The following PFKFB3 variants were observed in gnomAD, a reference collection of about 807,000 sequenced individuals.
PFKFB3 encodes 6-phosphofructo-2-kinase/fructose-2,6-bisphosphatase 3.
In PFKFB3, 33 loss-of-function variants were observed where a neutral mutation model predicts 68.0. The observed-to-expected ratio is 0.49, with a 90% CI of 0.37 to 0.65. The LOEUF is 0.65. Ranked by LOEUF, PFKFB3 falls within the 30% of genes least tolerant of loss-of-function variation. The probability of loss-of-function intolerance (pLI) is 0.00; values close to 1 mark genes in which losing one functional copy is unlikely to be tolerated. For synonymous variants in PFKFB3, 315 were observed against 288.2 expected (o/e 1.09, Z -0.94); for missense variants, 586 against 712.2 (o/e 0.82, Z 2.02).
chr10:6,174,849 A>C (rs1588421243), intron 1 of PFKFB3, among the ~76,000 whole-genome samples: 4 of 143,198 alleles, frequency 2.8e-5, no homozygotes, highest in African/African-American at 5.2e-5. Context: ...ACGGAGTCTC[A>C]CTCTCATGTA....
intron 1 of PFKFB3, among the ~76,000 whole-genome samples, chr10:6,180,524 G>A (rs1363581859): frequency 1.3e-5 from 2 of 152,096 alleles, no homozygotes; most frequent in African/African-American, 4.8e-5. Flanking sequence ...GAGTACAGTG[G>A]CTCAGCCGTG....
At chr10:6,315,741 C>A in the PFKFB3 span, among the ~76,000 whole-genome samples, 1 of 152,234 alleles carries the variant, frequency 6.6e-6, no homozygotes, top group African/African-American at 2.4e-5. Context: ...CTGCCTTGGG[C>A]TCCCAAAGTG....
intron 2 of PFKFB3, among the ~76,000 whole-genome samples, chr10:6,214,564 G>A (rs1321884462): frequency 4.6e-5 from 7 of 151,638 alleles, no homozygotes; most frequent in Non-Finnish European, 1.0e-4. Context: ...ACATGTGCAT[G>A]TTTGTTACCT....
At chr10:6,221,815 C>T in intron 10 of PFKFB3, 70 bp downstream of exon 10, 1 of 1,060,776 alleles carries the variant, frequency 9.4e-7, no homozygotes, top group South Asian at 1.4e-5. Context: ...GCTGGGCCAC[C>T]CCTCCAGGGA....
chr10:6,290,291 A>G, the PFKFB3 span, among the ~76,000 whole-genome samples: 1 of 151,718 alleles, frequency 6.6e-6, no homozygotes, highest in Non-Finnish European at 1.5e-5. Context: ...CCAGTTTTCA[A>G]AGAGAATGCT....
At chr10:6,236,516 C>T (rs1846015775), downstream of PFKFB3, among the ~76,000 whole-genome samples, 1 of 152,230 alleles carries the variant, frequency 6.6e-6, no homozygotes, top group Admixed American at 6.5e-5. Context: ...GCCGCCCACG[C>T]TGTGAAGAGA....
At chr10:6,209,918 T>C (rs1029119361) in intron 1 of PFKFB3, among the ~76,000 whole-genome samples, 15 of 151,510 alleles carry the variant, frequency 9.9e-5, no homozygotes, top group South Asian at 2.1e-4. Flanking sequence ...GCGCCTGCCA[T>C]CACGCCTGGC....
intron 1 of PFKFB3, chr10:6,163,995 G>C (rs1254680333): frequency 6.6e-6 from 1 of 152,414 alleles, no homozygotes; most frequent in East Asian, 1.9e-4. Context: ...ATACCCGAGA[G>C]GAAATAGGCC....
Position 6,228,277 on chromosome 10 carries a change from T to C in PFKFB3, c.1515+1912T>C. On this transcript the variant is annotated intron_variant, in intron 14 of 14. Coordinates refer to ENST00000379775, the MANE Select transcript of PFKFB3 (RefSeq NM_004566.4). This position sits in a 1 kb window ranked among gnomAD's most constrained non-coding sequence, Gnocchi z 4.5. ...ACTGCTTTCTTCCTGCTTGCTCATT[T>C]GGCCTCCTGCCTGTTAAAATATTGA... The C allele has an allele frequency of 6.3e-7, 1 of 1,592,570 alleles. No individual in the cohort carries two copies. Among genetic ancestry groups the C allele is most frequent in the Non-Finnish European group, 8.6e-7 (1 of 1,161,774 alleles).
At chr10:6,231,209 T>A in intron 14 of PFKFB3, 1 of 1,218,202 alleles carries the variant, frequency 8.2e-7, no homozygotes. Flanking sequence ...AAGATTTTCT[T>A]TTTTTTTTTC....
chr10:6,251,831 G>T lies in PFKFB3; in HGVS notation c.1516-2347G>T, dbSNP rs192780872. 8.5e-5 allele frequency among the ~76,000 whole-genome samples: 13 copies of T among 152,206 alleles called. No individual in the cohort carries two copies. In the East Asian group the frequency reaches 2.3e-3, roughly 27 times the overall value. On this transcript the variant is annotated intron_variant, in intron 14 of 14. Transcript: ENST00000640683. ...AAAAATACAAAAATTAGCCAGGTGTGGTGGCGGGTGCCTATAATCCCAGCT... is the reference window on the plus strand; with the variant it reads ...AAAAATACAAAAATTAGCCAGGTGTTGTGGCGGGTGCCTATAATCCCAGCT...
chr10:6,292,133 T>C, the PFKFB3 span, among the ~76,000 whole-genome samples: 2 of 151,004 alleles, frequency 1.3e-5, no homozygotes, highest in East Asian at 3.9e-4. Context: ...TTTATATTTT[T>C]AGTAGAGACA....
At position 6,154,156 on chromosome 10, in the gene PFKFB3, C is replaced by G. The variant is rs987078693; in HGVS notation, c.16+9143C>G. Among the ~76,000 whole-genome samples the G allele has an allele frequency of 6.6e-6, 1 of 152,020 alleles. No homozygotes were observed. The highest frequency in any genetic ancestry group is 1.9e-4 in the East Asian group (1 of 5,176). The stretch of plus-strand genomic sequence containing the variant: ...TTAGGAAGGGAGTGGCGGCTCAGCA[C>G]GTCCTCATCTCCCATGGTAGGGCCT... On this transcript the variant is annotated intron_variant, in intron 1 of 14. Coordinates refer to the PFKFB3 transcript ENST00000379789. This position sits in a 1 kb window ranked among gnomAD's most constrained non-coding sequence, Gnocchi z 4.6.
chr10:6,170,581 T>A (rs985765605), intron 1 of PFKFB3, among the ~76,000 whole-genome samples: 1 of 152,198 alleles, frequency 6.6e-6, no homozygotes, highest in South Asian at 2.1e-4. Context: ...CTAGAAACTT[T>A]CAACCACAAA....
chr10:6,191,753 A>G (rs1046567703), intron 1 of PFKFB3, among the ~76,000 whole-genome samples: 6 of 152,074 alleles, frequency 3.9e-5, no homozygotes, highest in African/African-American at 1.2e-4. Flanking sequence ...ATCTCTTTCT[A>G]CCTTCAAATC....
the PFKFB3 span, among the ~76,000 whole-genome samples, chr10:6,260,504 C>T: frequency 6.6e-6 from 1 of 151,962 alleles, no homozygotes; most frequent in Non-Finnish European, 1.5e-5. Context: ...TGCTTCCTGT[C>T]CCCAGAAGTA....
At chr10:6,285,210 A>G in the PFKFB3 span, among the ~76,000 whole-genome samples, 1 of 151,818 alleles carries the variant, frequency 6.6e-6, no homozygotes, top group Non-Finnish European at 1.5e-5. Context: ...GCAATACACA[A>G]GTGCTACAAT....
chr10:6,194,871 TTTTTTC>T (rs1420471320), intron 1 of PFKFB3, among the ~76,000 whole-genome samples: 1 of 135,144 alleles, frequency 7.4e-6, no homozygotes, highest in Admixed American at 7.7e-5. Flanking sequence ...GTTTCTTTTC[TTTTTTC>T]TTTTTTTTTT....
chr10:6,148,313 A>T (rs1235447902), intron 1 of PFKFB3, among the ~76,000 whole-genome samples: 1 of 152,244 alleles, frequency 6.6e-6, no homozygotes, highest in Admixed American at 6.5e-5. Flanking sequence ...GGTGCTGGCT[A>T]GAATGGAGCC....
Sources: gnomAD v4.1 joint callset for allele counts (sites outside exome capture counted in the v4.1 genomes callset) on GRCh38, gnomAD v4.1.1 for gene constraint, Gnocchi (gnomAD v3.1) non-coding constraint, MANE v1.5 for transcripts, NCBI Gene and HGNC (gene_info 2026-07-23, HGNC 2026-07-21) for gene names.